ZMYND19: variants seen among roughly 807,000 people sequenced by gnomAD.
ZMYND19 encodes zinc finger MYND-type containing 19.
In ZMYND19, 17 loss-of-function variants were observed where a neutral mutation model predicts 32.0. The observed-to-expected ratio is 0.53, with a 90% CI of 0.36 to 0.80. The LOEUF (loss-of-function observed/expected upper bound fraction) is 0.80, where lower values mean the gene tolerates loss of function less well. Ranked by LOEUF, ZMYND19 falls within the 30% of genes least tolerant of loss-of-function variation. The pLI is 0.00. For synonymous variants in ZMYND19, 124 were observed against 113.6 expected (o/e 1.09, Z -0.58); for missense variants, 250 against 293.6 (o/e 0.85, Z 1.09).
chr9:137,585,544 A>G (rs570538974), intron 4 of ZMYND19, among the ~76,000 whole-genome samples: 2 of 151,124 alleles, frequency 1.3e-5, no homozygotes, highest in South Asian at 2.1e-4. Flanking sequence ...CAGAGCAGGG[A>G]AAAAAAAACA....
In ZMYND19 at chr9:137,584,384, A is replaced by G. The variant is rs530480224; in HGVS notation, c.360-1221T>C. Among the ~76,000 whole-genome samples the G allele has an allele frequency of 2.6e-5, 4 of 152,366 alleles. No homozygotes were observed. In the South Asian group the frequency reaches 6.2e-4, roughly 24 times the overall value. On this transcript the variant is annotated intron_variant, in intron 4 of 5. Transcript: ENST00000298585. ...AGAGAATGGGCTGACCAGGAGCATC[A>G]GCCCAACACCCCCTTTCCAAACGGC...
In ZMYND19 at chr9:137,582,303, A is replaced by G. The variant is rs1018909510; in HGVS notation, c.*240T>C. ...AAAAACTGTACATGAGTTTACAAAC[A>G]TATTAACATATAAATAATGAGAACC... On this transcript the variant is annotated 3_prime_UTR_variant, in exon 6 of 6. Coordinates refer to ENST00000298585, the MANE Select transcript of ZMYND19 (RefSeq NM_138462.3). 17 of 490,544 alleles carry G rather than the reference A, an allele frequency of 3.5e-5. No homozygotes were observed. In the South Asian group the frequency reaches 3.7e-4, roughly 11 times the overall value. 30.4% of individuals were successfully genotyped at this position (490,544 alleles called of 1,614,324 possible). A position where few individuals can be genotyped will look rare whatever the true frequency, so the allele number is the denominator to read the frequency against.
At chr9:137,582,864 C>G in intron 5 of ZMYND19, 119 bp downstream of exon 5, 1 of 1,519,826 alleles carries the variant, frequency 6.6e-7, no homozygotes, top group Non-Finnish European at 8.9e-7. Flanking sequence ...TGGAAAAGCC[C>G]AAGAGGTGCT....
chr9:137,587,557 C>T (rs1842219824), intron 3 of ZMYND19, 160 bp downstream of exon 3: 5 of 680,308 alleles, frequency 7.3e-6, no homozygotes, highest in South Asian at 5.2e-5. Context: ...ACAAATCATT[C>T]GTTCCTTTGG....
In ZMYND19 at chr9:137,582,394, C is replaced by G. The variant is rs1235548129; in HGVS notation, c.*149G>C. 8.7e-7 allele frequency: 1 copy of G among 1,151,102 alleles called. No individual in the cohort carries two copies. The highest frequency in any genetic ancestry group is 1.2e-6 in the Non-Finnish European group (1 of 831,086). The allele number at this position is 1,151,102 out of a possible 1,614,324, so 71.3% of individuals were successfully genotyped here. On this transcript the variant is annotated 3_prime_UTR_variant, in exon 6 of 6. Coordinates refer to ENST00000298585, the MANE Select transcript of ZMYND19 (RefSeq NM_138462.3). ...AACACTGAGGGGCGCTGTAACCACA[C>G]AGACTGCCTGTGACATCGGGAGTCT...
intron 4 of ZMYND19, among the ~76,000 whole-genome samples, chr9:137,584,235 T>C (rs922751934): frequency 1.3e-5 from 2 of 152,246 alleles, no homozygotes; most frequent in African/African-American, 4.8e-5. Context: ...CAAAGATGGC[T>C]GAGCCTGATC....
rs2133300421 is a variant in ZMYND19, at chr9:137,586,633, T to C, written c.359+334A>G. ...AGAGAAGGCTGATGCCTCCCAGGGG[T>C]GTGGGGCAGAAGCCCTGCTCACACC... On this transcript the variant is annotated intron_variant, in intron 4 of 5. Transcript: ENST00000298585. Among the ~76,000 whole-genome samples, 2 of 151,622 alleles carry C rather than the reference T, an allele frequency of 1.3e-5. 1 individual carries two copies. Among genetic ancestry groups the C allele is most frequent in the East Asian group, 3.9e-4 (2 of 5,144 alleles).
intron 2 of ZMYND19, 83 bp downstream of exon 2, chr9:137,588,576 C>T: frequency 6.7e-7 from 1 of 1,488,764 alleles, no homozygotes; most frequent in African/African-American, 1.4e-5. Context: ...GCTCTTGCAG[C>T]ACAGGGGAGA....
rs949902130 is a variant in ZMYND19, at chr9:137,582,457, G to A, written c.*86C>T. On this transcript the variant is annotated 3_prime_UTR_variant, in exon 6 of 6. Coordinates refer to ENST00000298585, the MANE Select transcript of ZMYND19 (RefSeq NM_138462.3). ...CCTGGGCCCGCAGCTGGCTTTTTTG[G>A]CACCTCCAGGTTCAACCACCAGTCT... 6 of 1,518,262 alleles carry A rather than the reference G, an allele frequency of 4.0e-6. No individual in the cohort carries two copies. In the African/African-American group the frequency reaches 6.9e-5, roughly 18 times the overall value. 94.0% of individuals were successfully genotyped at this position (1,518,262 alleles called of 1,614,324 possible). A position where few individuals can be genotyped will look rare whatever the true frequency, so the allele number is the denominator to read the frequency against.
intron 1 of ZMYND19, chr9:137,589,432 C>T (rs1011898829): frequency 4.1e-6 from 4 of 985,348 alleles, no homozygotes; most frequent in Admixed American, 1.2e-4. Context: ...GCCTCGGCTC[C>T]TCTCTCCCAC....
At chr9:137,588,775 T>C in intron 1 of ZMYND19, 57 bp from the exon 2 acceptor site, 1 of 1,593,722 alleles carries the variant, frequency 6.3e-7, no homozygotes, top group Non-Finnish European at 8.6e-7. Flanking sequence ...TGAGGTGCAG[T>C]AACCTTATAA....
chr9:137,584,503 CTTG>C, intron 4 of ZMYND19, among the ~76,000 whole-genome samples: 1 of 152,324 alleles, frequency 6.6e-6, no homozygotes, highest in East Asian at 1.9e-4. Flanking sequence ...GACCCTGAGT[CTTG>C]TTGAGAACCG....
chr9:137,589,851 G>A (rs1842250574), intron 1 of ZMYND19: 1 of 985,462 alleles, frequency 1.0e-6, no homozygotes, highest in African/African-American at 1.7e-5. Context: ...CAGCCCGGAC[G>A]CCGCGCTAGG....
At position 137,590,409 on chromosome 9, in the gene ZMYND19, C is replaced by T; in HGVS notation, c.-146G>A. On this transcript the variant is annotated 5_prime_UTR_variant, in exon 1 of 6. Transcript: ENST00000298585. The surrounding 1 kb of genome is among the most constrained non-coding windows in gnomAD (Gnocchi z 4.2). ...CAGGCGGGCTCCGGGCGGGACGAGG[C>T]TGGGCCGGGCTCGGGCCTCCGCCGC... is the stretch of plus-strand genomic sequence containing the variant. 5.0e-6 allele frequency: 2 copies of T among 403,604 alleles called. No individual in the cohort carries two copies. Among genetic ancestry groups the T allele is most frequent in the Non-Finnish European group, 6.7e-6 (2 of 300,298 alleles). The allele number at this position is 403,604 out of a possible 1,614,324, so 25.0% of individuals were successfully genotyped here.
In ZMYND19 at chr9:137,590,213, C is replaced by G; in HGVS notation, c.51G>C (p.Lys17Asn). The G allele has an allele frequency of 8.8e-7, 1 of 1,130,750 alleles. No individual in the cohort carries two copies. The highest frequency in any genetic ancestry group is 1.1e-6 in the Non-Finnish European group (1 of 909,798). The allele number at this position is 1,130,750 out of a possible 1,614,324, so 70.0% of individuals were successfully genotyped here. The change falls in exon 1 of 6, where the codon AAG (lysine) becomes AAC (asparagine). Residue 17 changes from lysine to asparagine, a missense_variant and splice_region_variant. By Grantham distance (94) the Lys-to-Asn change is moderately conservative. This residue lies in a region of ZMYND19 where 212 missense variants were observed against 218.8 expected (regional missense o/e 0.97). Coordinates refer to ENST00000298585, the MANE Select transcript of ZMYND19 (RefSeq NM_138462.3). This position sits in a 1 kb window ranked among gnomAD's most constrained non-coding sequence, Gnocchi z 4.2. ...GIVRLGRVAG[K>N]TKYTLIDEQD... ...GGGTCGCGGGCTCCGCGCCGCTCAC[C>G]TTCCCGGCCACCCGGCCGAGCCGCA...
At chr9:137,587,904 T>A (rs917041321) in intron 2 of ZMYND19, 81 bp from the exon 3 acceptor site, 2 of 1,409,476 alleles carry the variant, frequency 1.4e-6, no homozygotes, top group Non-Finnish European at 2.0e-6. Context: ...AAAAACCAAG[T>A]GAAACAAGCA....
chr9:137,589,605 G>A (rs1351769978), intron 1 of ZMYND19: 3 of 985,334 alleles, frequency 3.0e-6, no homozygotes, highest in Non-Finnish European at 3.6e-6. Context: ...CAAGTAAGAA[G>A]AGAAGTCGAG....
chr9:137,588,786 C>G (rs1842236388), intron 1 of ZMYND19, 68 bp from the exon 2 acceptor site: 1 of 1,577,894 alleles, frequency 6.3e-7, no homozygotes, highest in East Asian at 2.2e-5. Flanking sequence ...AACCTTATAA[C>G]CAGAACAGGC....
At chr9:137,583,291 GC>G in intron 4 of ZMYND19, 128 bp from the exon 5 acceptor site, 1 of 946,252 alleles carries the variant, frequency 1.1e-6, no homozygotes, top group Non-Finnish European at 1.6e-6. Context: ...GTCTCCTTTG[GC>G]CCATCCCTGC....
Sources: allele counts gnomAD v4.1 joint callset (sites outside exome capture counted in the v4.1 genomes callset), GRCh38; gene constraint gnomAD v4.1.1; regional missense constraint gnomAD v4.1.1; non-coding constraint Gnocchi (gnomAD v3.1); transcripts MANE v1.5; gene names NCBI Gene and HGNC (gene_info 2026-07-23, HGNC 2026-07-21).